Variants in RBFOX1 observed in about 807,000 individuals in gnomAD.
RBFOX1 encodes the protein RNA binding fox-1 homolog 1, also known as RNA binding protein fox-1 homolog 1.
Under a neutral mutation model 57.7 loss-of-function variants are expected in RBFOX1, and 8 were observed. That is an observed-to-expected ratio of 0.14 (90% CI 0.08 to 0.25). RBFOX1 has a LOEUF of 0.25. RBFOX1 is among the 10% of genes least tolerant of loss of function. The pLI is 1.00. For missense variants in RBFOX1, 611 were observed against 548.5 expected (o/e 1.11, Z -1.14); for synonymous variants, 326 against 222.4 (o/e 1.47, Z -4.15).
At chr16:6,087,459 C>A (rs1040965332) in intron 1 of RBFOX1, among the ~76,000 whole-genome samples, 11 of 152,108 alleles carry the variant, frequency 7.2e-5, no homozygotes, top group Non-Finnish European at 4.4e-5. Flanking sequence ...CTAACACTTT[C>A]TAGCCTTTTT....
chr16:5,585,681 C>T (rs1048542215), intron 2 of RBFOX1, among the ~76,000 whole-genome samples: 2 of 152,230 alleles, frequency 1.3e-5, no homozygotes, highest in Non-Finnish European at 2.9e-5. Context: ...CCTGACTTCC[C>T]CAAAGCCATC....
intron 3 of RBFOX1, among the ~76,000 whole-genome samples, chr16:5,769,646 C>T (rs181532588): frequency 6.6e-5 from 10 of 152,036 alleles, no homozygotes; most frequent in Admixed American, 3.9e-4. Context: ...GAGTGAGACT[C>T]CCTCTCAAAA....
chr16:6,491,454 A>G (rs2095631019), intron 2 of RBFOX1, among the ~76,000 whole-genome samples: 1 of 152,164 alleles, frequency 6.6e-6, no homozygotes, highest in Non-Finnish European at 1.5e-5. Flanking sequence ...ATCTAAACAT[A>G]TAGAAGTTAC....
At chr16:7,117,228 C>G (rs112000005) in intron 4 of RBFOX1, among the ~76,000 whole-genome samples, 4 of 152,208 alleles carry the variant, frequency 2.6e-5, no homozygotes, top group African/African-American at 9.6e-5. Context: ...AGGGCATTGA[C>G]ACATGTTAAA....
intron 3 of RBFOX1, among the ~76,000 whole-genome samples, chr16:6,885,541 AT>A (rs71147618): frequency 0.11 from 17,075 of 151,122 alleles, 1,134 homozygotes; most frequent in African/African-American, 0.19. Context: ...TATTTTTTTT[AT>A]TTTTTTTGAA....
At chr16:7,321,081 A>G (rs1480120443) in intron 4 of RBFOX1, among the ~76,000 whole-genome samples, 1 of 113,230 alleles carries the variant, frequency 8.8e-6, no homozygotes, top group Non-Finnish European at 1.8e-5. Flanking sequence ...CTATACGTAT[A>G]CATATACATA....
intron 2 of RBFOX1, among the ~76,000 whole-genome samples, chr16:6,547,264 A>G (rs910823249): frequency 6.6e-6 from 1 of 152,156 alleles, no homozygotes. Flanking sequence ...CTTCCTGGGA[A>G]TCATTACCAG....
chr16:6,842,945 G>C (rs1316275487), intron 3 of RBFOX1, among the ~76,000 whole-genome samples: 1 of 152,158 alleles, frequency 6.6e-6, no homozygotes, highest in African/African-American at 2.4e-5. Flanking sequence ...TCCTGTGTTA[G>C]TTTGCTGAGA....
chr16:6,993,631 C>A (rs57991974), intron 3 of RBFOX1, among the ~76,000 whole-genome samples: 12,361 of 152,084 alleles, frequency 0.081, 701 homozygotes, highest in East Asian at 0.27. Context: ...TCCACTCAGC[C>A]GGGCCACTTC....
intron 1 of RBFOX1, among the ~76,000 whole-genome samples, chr16:5,370,699 C>T (rs566757703): frequency 2.0e-5 from 3 of 151,828 alleles, no homozygotes; most frequent in African/African-American, 4.8e-5. Context: ...CTCTGTGTTG[C>T]CCAGGCTGAT....
At chr16:5,690,572 A>G (rs2050644065) in intron 3 of RBFOX1, among the ~76,000 whole-genome samples, 1 of 152,142 alleles carries the variant, frequency 6.6e-6, no homozygotes, top group Non-Finnish European at 1.5e-5. Context: ...TTGAAAACAA[A>G]CAAACAAACC....
rs369458389 is a variant in RBFOX1 at position 6,446,517 on chromosome 16, A to G, written c.-64+129460A>G. On this transcript the variant is annotated intron_variant, in intron 2 of 15. Coordinates refer to ENST00000550418, the MANE Select transcript of RBFOX1 (RefSeq NM_018723.4). ...TTGGAGTATGTTATTTATTTACTCA[A>G]TATATATGTATCAATGCCTTCTGTA... Among the ~76,000 whole-genome samples, 8 of 152,288 alleles carry G rather than the reference A, an allele frequency of 5.3e-5. No homozygotes were observed. The East Asian group carries it at 5.8e-4, about 11-fold the overall frequency.
intron 14 of RBFOX1, among the ~76,000 whole-genome samples, chr16:7,704,123 T>G (rs552145432): frequency 6.6e-6 from 1 of 152,294 alleles, no homozygotes; most frequent in African/African-American, 2.4e-5. Context: ...GTCCAAGTCA[T>G]GAGAGCAAGG....
At chr16:5,796,576 TG>T in intron 3 of RBFOX1, among the ~76,000 whole-genome samples, 1 of 152,116 alleles carries the variant, frequency 6.6e-6, no homozygotes, top group East Asian at 1.9e-4. Context: ...CTGATGATGA[TG>T]ATGATGGTGA....
intron 3 of RBFOX1, among the ~76,000 whole-genome samples, chr16:6,972,677 T>A (rs1209298159): frequency 1.3e-5 from 2 of 151,794 alleles, no homozygotes; most frequent in Non-Finnish European, 2.9e-5. Flanking sequence ...ACAACCTGAG[T>A]GGAGGGCTGG....
intron 3 of RBFOX1, among the ~76,000 whole-genome samples, chr16:6,883,964 C>T (rs1451159317): frequency 6.6e-6 from 1 of 152,056 alleles, no homozygotes; most frequent in South Asian, 2.1e-4. Context: ...GTCCAAAGCG[C>T]AGAGGAGATG....
chr16:5,924,332 A>T (rs1019606635), intron 4 of RBFOX1, among the ~76,000 whole-genome samples: 1 of 152,146 alleles, frequency 6.6e-6, no homozygotes, highest in African/African-American at 2.4e-5. Flanking sequence ...TCCAAACCTC[A>T]TGTTAAAATT....
intron 2 of RBFOX1, among the ~76,000 whole-genome samples, chr16:6,507,944 CA>C (rs2096149465): frequency 6.6e-6 from 1 of 151,890 alleles, no homozygotes; most frequent in Non-Finnish European, 1.5e-5. Context: ...TTCACAATAG[CA>C]AAGACATGGA....
chr16:6,758,994 C>G (rs1042589708), intron 3 of RBFOX1, among the ~76,000 whole-genome samples: 1 of 152,082 alleles, frequency 6.6e-6, no homozygotes, highest in African/African-American at 2.4e-5. Flanking sequence ...TAAATCTATT[C>G]AGACAATGAT....
Sources: allele counts gnomAD v4.1 joint callset (sites outside exome capture counted in the v4.1 genomes callset), GRCh38; gene constraint gnomAD v4.1.1; transcripts MANE v1.5; gene names NCBI Gene and HGNC (gene_info 2026-07-23, HGNC 2026-07-21).